The following C2CD4A variants were observed in gnomAD, a reference collection of about 807,000 sequenced individuals.
C2CD4A encodes the protein C2 calcium-dependent domain-containing protein 4A.
C2CD4A carries 2 observed loss-of-function variants against 0.4 expected under a neutral mutation model. The observed-to-expected ratio is 4.45, with a 90% confidence interval of 1.82 to 13.99. C2CD4A has a LOEUF of 13.99. Ranked by LOEUF, C2CD4A falls within the 30% of genes most tolerant of loss-of-function variation. C2CD4A has a pLI of 0.04. For synonymous variants in C2CD4A, 297 were observed against 280.8 expected, an observed-to-expected ratio of 1.06 and a Z score of -0.58; for missense variants, 610 against 574.2, an observed-to-expected ratio of 1.06 and a Z score of -0.64.
rs1387464366 is a variant in C2CD4A at position 62,067,108 on chromosome 15, T to C, written c.-30+20T>C. On this transcript the variant is annotated intron_variant, in intron 1 of 1. Coordinates refer to ENST00000355522, the MANE Select transcript of C2CD4A (RefSeq NM_207322.3). The stretch of plus-strand genomic sequence containing the variant: ...CTCCAGGTATTTTAGGAGGGACCCA[T>C]CGGCTTGCTTAATTCCCTGGGGGAT... The C allele has an allele frequency of 6.5e-6, 1 of 153,042 alleles. No individual in the cohort carries two copies. The highest frequency in any genetic ancestry group is 2.4e-5 in the African/African-American group (1 of 41,490). The allele number at this position is 153,042 out of a possible 1,614,324, so 9.5% of individuals were successfully genotyped here.
At position 62,069,722 on chromosome 15, in the gene C2CD4A, G is replaced by A. The variant is rs2049072390; in HGVS notation, c.*999G>A. 6.0e-6 allele frequency: 1 copy of A among 167,076 alleles called. No homozygotes were observed. Among genetic ancestry groups the A allele is most frequent in the African/African-American group, 2.4e-5 (1 of 41,448 alleles). The allele number at this position is 167,076 out of a possible 1,614,324, so 10.3% of individuals were successfully genotyped here. The stretch of plus-strand genomic sequence containing the variant: ...AGAGCAGAGCCAGAATTTGAACCTA[G>A]ACAATCAGCATTTCACTCATTACTC... On this transcript the variant is annotated 3_prime_UTR_variant, in exon 2 of 2. Coordinates refer to ENST00000355522, the MANE Select transcript of C2CD4A (RefSeq NM_207322.3).
Position 62,068,316 on chromosome 15 carries a change from CG to C in C2CD4A, c.706del (p.Val236SerfsTer151). 7.1e-7 allele frequency: 1 copy of C among 1,418,242 alleles called. No individual in the cohort carries two copies. The highest frequency in any genetic ancestry group is 9.2e-7 in the Non-Finnish European group (1 of 1,087,294). The allele number at this position is 1,418,242 out of a possible 1,614,324, so 87.9% of individuals were successfully genotyped here. ...CCCCTCCACGAGCCCGCCGTCGTCCCGGGTCCCGTTTCCCGAGCGCCTGGAG... is the reference window on the plus strand; with the variant it reads ...CCCCTCCACGAGCCCGCCGTCGTCCCGGTCCCGTTTCCCGAGCGCCTGGAG... ...RAPSTSPPSS[R>X]VPFPERLEAE... On this transcript the variant is annotated frameshift_variant, in exon 2 of 2. Coordinates refer to ENST00000355522, the MANE Select transcript of C2CD4A (RefSeq NM_207322.3).
chr15:62,068,228 C>T lies in C2CD4A; in HGVS notation c.615C>T (p.Arg205=). The T allele has an allele frequency of 1.5e-6, 2 of 1,375,586 alleles. No individual in the cohort carries two copies. Among genetic ancestry groups the T allele is most frequent in the Non-Finnish European group, 1.9e-6 (2 of 1,063,166 alleles). 85.2% of individuals were successfully genotyped at this position (1,375,586 alleles called of 1,614,324 possible). A position where few individuals can be genotyped will look rare whatever the true frequency, so the allele number is the denominator to read the frequency against. The part of the protein sequence containing the change: ...AGRSRRLTRV[R]SVSSGNEDKE... ...GGAGTCGCCGCCTGACCCGCGTCCGCTCCGTCTCCAGCGGGAACGAGGACA... is the reference window on the plus strand; with the variant it reads ...GGAGTCGCCGCCTGACCCGCGTCCGTTCCGTCTCCAGCGGGAACGAGGACA... The change falls in exon 2 of 2, where the codon CGC becomes CGT. Residue 205 remains arginine (R), a synonymous_variant. Transcript: ENST00000355522.
At position 62,067,813 on chromosome 15, in the gene C2CD4A, C is replaced by G; in HGVS notation, c.200C>G (p.Ser67Cys). ...PRLALAALRN[S>C]WVEEAGMDEG... ...CTGGCCTTGGCTGCGCTCCGGAATT[C>G]TTGGGTCGAAGAAGCAGGGATGGAC... Residue 67 changes from serine to cysteine, a missense_variant, in exon 2 of 2, where the codon TCT becomes TGT. By Grantham distance (112) the Ser-to-Cys change is moderately radical (BLOSUM62 -1). Transcript: ENST00000355522. 4 of 1,612,018 alleles carry G rather than the reference C, an allele frequency of 2.5e-6. No individual in the cohort carries two copies. Among genetic ancestry groups the G allele is most frequent in the Non-Finnish European group, 3.4e-6 (4 of 1,179,856 alleles).
chr15:62,067,939 T>C lies in C2CD4A; in HGVS notation c.326T>C (p.Leu109Pro), dbSNP rs745916810. ...VRTAYGFCAL[L>P]ESPHTRRKES... Reference sequence around the variant, plus strand: ...ACCGCCTACGGCTTCTGCGCGCTGCTCGAGAGCCCGCACACGCGCCGCAAG... The same window carrying C: ...ACCGCCTACGGCTTCTGCGCGCTGCCCGAGAGCCCGCACACGCGCCGCAAG... Residue 109 changes from leucine (L) to proline (P), a missense_variant, in exon 2 of 2, where the codon CTC (leucine) becomes CCC (proline). Transcript: ENST00000355522. 4.5e-6 allele frequency: 7 copies of C among 1,565,226 alleles called. No homozygotes were observed. Among genetic ancestry groups the C allele is most frequent in the African/African-American group, 1.4e-5 (1 of 73,400 alleles).
At position 62,067,953 on chromosome 15, in the gene C2CD4A, A is replaced by T. The variant is rs776405638; in HGVS notation, c.340A>T (p.Thr114Ser). 3 of 1,542,760 alleles carry T rather than the reference A, an allele frequency of 1.9e-6. No homozygotes were observed. Among genetic ancestry groups the T allele is most frequent in the East Asian group, 2.4e-5 (1 of 40,878 alleles). ...GFCALLESPH[T>S]RRKESLLLGG... is the part of the protein sequence containing the mutation. Reference sequence around the variant, plus strand: ...CTGCGCGCTGCTCGAGAGCCCGCACACGCGCCGCAAGGAGTCGCTCCTGCT... The same window carrying T: ...CTGCGCGCTGCTCGAGAGCCCGCACTCGCGCCGCAAGGAGTCGCTCCTGCT... Residue 114 changes from threonine to serine, a missense_variant, in exon 2 of 2, where the codon ACG becomes TCG. By Grantham distance (58) the Thr-to-Ser change is moderately conservative. Transcript: ENST00000355522.
In C2CD4A at chr15:62,068,589, T is replaced by A; in HGVS notation, c.976T>A (p.Phe326Ile). The change falls in exon 2 of 2, where the codon TTC (phenylalanine) becomes ATC (isoleucine). Residue 326 changes from phenylalanine to isoleucine, a missense_variant. By Grantham distance (21) the Phe-to-Ile change is conservative. Coordinates refer to ENST00000355522, the MANE Select transcript of C2CD4A (RefSeq NM_207322.3). Reference sequence around the variant, plus strand: ...GGCCTCCTTTGACCAGGACTTCTGCTTCGACGGCCTCTCGGAGGACGAAGT... The same window carrying A: ...GGCCTCCTTTGACCAGGACTTCTGCATCGACGGCCTCTCGGAGGACGAAGT... ...RKASFDQDFC[F>I]DGLSEDEVRR... 1 of 1,571,840 alleles carries A rather than the reference T, an allele frequency of 6.4e-7. No homozygotes were observed. The highest frequency in any genetic ancestry group is 1.2e-5 in the South Asian group (1 of 85,778).
chr15:62,070,463 C>T lies in C2CD4A; in HGVS notation c.*1740C>T, dbSNP rs948786391. 11 of 413,288 alleles carry T rather than the reference C, an allele frequency of 2.7e-5. No homozygotes were observed. The highest frequency in any genetic ancestry group is 6.2e-5 in the African/African-American group (3 of 48,594). 25.6% of individuals were successfully genotyped at this position (413,288 alleles called of 1,614,324 possible). Reference sequence around the variant, plus strand: ...GATTATAGGCGTGAGCCACCATGCCCGACCAGTTTCTGCTTTTATTAAAAT... The same window carrying T: ...GATTATAGGCGTGAGCCACCATGCCTGACCAGTTTCTGCTTTTATTAAAAT... On this transcript the variant is annotated 3_prime_UTR_variant, in exon 2 of 2. Transcript: ENST00000355522.
Position 62,068,594 on chromosome 15 carries a change from C to T in C2CD4A, c.981C>T (p.Asp327=), listed in dbSNP as rs767098218. 3.2e-6 allele frequency: 5 copies of T among 1,569,664 alleles called. No homozygotes were observed. The highest frequency in any genetic ancestry group is 2.3e-5 in the East Asian group (1 of 42,862). The change falls in exon 2 of 2, where the codon GAC becomes GAT. Residue 327 remains aspartate (D), a synonymous_variant. Coordinates refer to ENST00000355522, the MANE Select transcript of C2CD4A (RefSeq NM_207322.3). ...KASFDQDFCF[D]GLSEDEVRRL... is the part of the protein sequence containing the mutation. Reference sequence around the variant, plus strand: ...CCTTTGACCAGGACTTCTGCTTCGACGGCCTCTCGGAGGACGAAGTGCGCC... The same window carrying T: ...CCTTTGACCAGGACTTCTGCTTCGATGGCCTCTCGGAGGACGAAGTGCGCC...
At position 62,068,378 on chromosome 15, in the gene C2CD4A, C is replaced by G; in HGVS notation, c.765C>G (p.Asp255Glu). ...EGTVALGRAG[D>E]ALRLAAEYCP... is the part of the protein sequence containing the mutation. ...CCGTGGCTCTGGGCCGCGCCGGCGACGCCCTGCGCCTGGCCGCCGAGTACT... is the reference window on the plus strand; with the variant it reads ...CCGTGGCTCTGGGCCGCGCCGGCGAGGCCCTGCGCCTGGCCGCCGAGTACT... Residue 255 changes from aspartate (D) to glutamate (E), a missense_variant, in exon 2 of 2, where the codon GAC (aspartate) becomes GAG (glutamate). Coordinates refer to ENST00000355522, the MANE Select transcript of C2CD4A (RefSeq NM_207322.3). 7.4e-7 allele frequency: 1 copy of G among 1,359,928 alleles called. No homozygotes were observed. Among genetic ancestry groups the G allele is most frequent in the Non-Finnish European group, 9.4e-7 (1 of 1,062,092 alleles). The allele number at this position is 1,359,928 out of a possible 1,614,324, so 84.2% of individuals were successfully genotyped here. A position where few individuals can be genotyped will look rare whatever the true frequency, so the allele number is the denominator to read the frequency against.
In C2CD4A at chr15:62,068,866, C is replaced by T; in HGVS notation, c.*143C>T. ...AGAGATGATTCTAGATTAACTATCC[C>T]AGTAAAAGATATGATATTTTCCATA... On this transcript the variant is annotated 3_prime_UTR_variant, in exon 2 of 2. Coordinates refer to ENST00000355522, the MANE Select transcript of C2CD4A (RefSeq NM_207322.3). 1 of 1,168,204 alleles carries T rather than the reference C, an allele frequency of 8.6e-7. No individual in the cohort carries two copies. 72.4% of individuals were successfully genotyped at this position (1,168,204 alleles called of 1,614,324 possible).
In C2CD4A at chr15:62,068,718, C is replaced by T. The variant is rs2049064583; in HGVS notation, c.1105C>T (p.Leu369Phe). The change falls in exon 2 of 2, where the codon CTC (leucine) becomes TTC (phenylalanine). Residue 369 changes from leucine (L) to phenylalanine (F), a missense_variant. By Grantham distance (22) the Leu-to-Phe change is conservative. Transcript: ENST00000355522. ...GELSLGALLL[L>F] The stretch of plus-strand genomic sequence containing the variant: ...GCTGTCCCTGGGCGCCCTCCTGCTG[C>T]TCTGAGGGCCCAGCCCTCCCCGGGG... 2 of 1,498,804 alleles carry T rather than the reference C, an allele frequency of 1.3e-6. No individual in the cohort carries two copies. Among genetic ancestry groups the T allele is most frequent in the South Asian group, 1.3e-5 (1 of 76,932 alleles). The allele number at this position is 1,498,804 out of a possible 1,614,324, so 92.8% of individuals were successfully genotyped here. A position where few individuals can be genotyped will look rare whatever the true frequency, so the allele number is the denominator to read the frequency against.
chr15:62,067,715 C>G lies in C2CD4A; in HGVS notation c.102C>G (p.Thr34=), dbSNP rs12911068. ...GRARGAKSRT[T]AACANVLTPD... Reference sequence around the variant, plus strand: ...CCCGCGGAGCCAAGTCTCGCACCACCGCCGCGTGCGCAAATGTGCTCACTC... The same window carrying G: ...CCCGCGGAGCCAAGTCTCGCACCACGGCCGCGTGCGCAAATGTGCTCACTC... Residue 34 remains threonine, a synonymous_variant, in exon 2 of 2, where the codon ACC becomes ACG. Coordinates refer to ENST00000355522, the MANE Select transcript of C2CD4A (RefSeq NM_207322.3). The G allele has an allele frequency of 1.4e-5, 22 of 1,610,878 alleles. No homozygotes were observed. The African/African-American group carries it at 2.4e-4, about 18-fold the overall frequency.
chr15:62,067,890 C>G lies in C2CD4A; in HGVS notation c.277C>G (p.Leu93Val). 1.2e-6 allele frequency: 2 copies of G among 1,600,616 alleles called. No individual in the cohort carries two copies. Among genetic ancestry groups the G allele is most frequent in the Non-Finnish European group, 1.7e-6 (2 of 1,177,638 alleles). ...WDPRSQAALSLPHLPRVRTAY... is the reference protein window; with the variant it reads ...WDPRSQAALSVPHLPRVRTAY... The stretch of plus-strand genomic sequence containing the variant: ...CCCGCGCTCGCAGGCCGCGCTGTCA[C>G]TGCCGCACCTGCCCCGTGTGCGCAC... The change falls in exon 2 of 2, where the codon CTG (leucine) becomes GTG (valine). Residue 93 changes from leucine to valine, a missense_variant. Leu to Val is a conservative substitution (Grantham distance 32). Coordinates refer to ENST00000355522, the MANE Select transcript of C2CD4A (RefSeq NM_207322.3).
At position 62,068,209 on chromosome 15, in the gene C2CD4A, G is replaced by A; in HGVS notation, c.596G>A (p.Arg199His). The A allele has an allele frequency of 1.5e-6, 2 of 1,348,662 alleles. No individual in the cohort carries two copies. Among genetic ancestry groups the A allele is most frequent in the Non-Finnish European group, 1.9e-6 (2 of 1,048,732 alleles). 83.5% of individuals were successfully genotyped at this position (1,348,662 alleles called of 1,614,324 possible). ...LSRALRAGRS[R>H]RLTRVRSVSS... Reference sequence around the variant, plus strand: ...CGCGCGCTGCGGGCTGGGAGGAGTCGCCGCCTGACCCGCGTCCGCTCCGTC... The same window carrying A: ...CGCGCGCTGCGGGCTGGGAGGAGTCACCGCCTGACCCGCGTCCGCTCCGTC... Residue 199 changes from arginine (R) to histidine (H), a missense_variant, in exon 2 of 2, where the codon CGC (arginine) becomes CAC (histidine). Coordinates refer to ENST00000355522, the MANE Select transcript of C2CD4A (RefSeq NM_207322.3).
At position 62,068,124 on chromosome 15, in the gene C2CD4A, G is replaced by C. The variant is rs2049058165; in HGVS notation, c.511G>C (p.Ala171Pro). The C allele has an allele frequency of 2.5e-6, 3 of 1,183,800 alleles. No individual in the cohort carries two copies. Among genetic ancestry groups the C allele is most frequent in the Non-Finnish European group, 3.1e-6 (3 of 959,434 alleles). 73.3% of individuals were successfully genotyped at this position (1,183,800 alleles called of 1,614,324 possible). ...APGCPRPPQD[A>P]LARRPRGCRL... is the part of the protein sequence containing the mutation. ...CGGCTGTCCCCGCCCGCCCCAGGAC[G>C]CGCTCGCCCGGCGGCCCCGCGGCTG... The change falls in exon 2 of 2, where the codon GCG (alanine) becomes CCG (proline). Residue 171 changes from alanine to proline, a missense_variant. Physicochemically the swap from Ala to Pro is conservative, Grantham distance 27. Coordinates refer to ENST00000355522, the MANE Select transcript of C2CD4A (RefSeq NM_207322.3).
rs2049049916 is a variant in C2CD4A, at chr15:62,067,090, T to A, written c.-30+2T>A. ...GACCCATCTGACGCAGGACTCCAGGTATTTTAGGAGGGACCCATCGGCTTG... is the reference window on the plus strand; with the variant it reads ...GACCCATCTGACGCAGGACTCCAGGAATTTTAGGAGGGACCCATCGGCTTG... On this transcript the variant is annotated splice_donor_variant, in intron 1 of 1. Coordinates refer to ENST00000355522, the MANE Select transcript of C2CD4A (RefSeq NM_207322.3). LOFTEE classifies it low-confidence loss of function (5UTR_SPLICE). The A allele has an allele frequency of 6.6e-6, 1 of 152,664 alleles. No individual in the cohort carries two copies. The highest frequency in any genetic ancestry group is 2.4e-5 in the African/African-American group (1 of 41,448). The allele number at this position is 152,664 out of a possible 1,614,324, so 9.5% of individuals were successfully genotyped here.
Position 62,068,118 on chromosome 15 carries a change from C to G in C2CD4A, c.505C>G (p.Gln169Glu). Reference protein sequence around the residue: ...PAAPGCPRPPQDALARRPRGC... With the variant: ...PAAPGCPRPPEDALARRPRGC... ...GGCCCCCGGCTGTCCCCGCCCGCCC[C>G]AGGACGCGCTCGCCCGGCGGCCCCG... Residue 169 changes from glutamine (Q) to glutamate (E), a missense_variant, in exon 2 of 2, where the codon CAG becomes GAG. Gln to Glu is a conservative substitution (Grantham distance 29, BLOSUM62 2). Coordinates refer to ENST00000355522, the MANE Select transcript of C2CD4A (RefSeq NM_207322.3). 1 of 1,177,554 alleles carries G rather than the reference C, an allele frequency of 8.5e-7. No homozygotes were observed. Among genetic ancestry groups the G allele is most frequent in the South Asian group, 3.9e-5 (1 of 25,524 alleles). 72.9% of individuals were successfully genotyped at this position (1,177,554 alleles called of 1,614,324 possible).
rs775464621 is a variant in C2CD4A, at chr15:62,067,941, G to A, written c.328G>A (p.Glu110Lys). The A allele has an allele frequency of 3.2e-6, 5 of 1,562,774 alleles. No homozygotes were observed. The highest frequency in any genetic ancestry group is 3.4e-6 in the Non-Finnish European group (4 of 1,162,270). ...CGCCTACGGCTTCTGCGCGCTGCTC[G>A]AGAGCCCGCACACGCGCCGCAAGGA... ...RTAYGFCALL[E>K]SPHTRRKESL... The change falls in exon 2 of 2, where the codon GAG (glutamate) becomes AAG (lysine). Residue 110 changes from glutamate to lysine, a missense_variant. Physicochemically the swap from Glu to Lys is moderately conservative, Grantham distance 56. Transcript: ENST00000355522.
Sources: allele counts gnomAD v4.1 joint callset, GRCh38; gene constraint gnomAD v4.1.1; transcripts MANE v1.5; gene names NCBI Gene and HGNC (gene_info 2026-07-23, HGNC 2026-07-21).